The following WASF1 variants were observed in gnomAD, a reference collection of about 807,000 sequenced individuals.
WASF1 encodes WASP family member 1.
WASF1 carries 7 observed loss-of-function variants against 50.5 expected under a neutral mutation model. That is an observed-to-expected ratio of 0.14 (90% CI 0.08 to 0.26). The LOEUF (loss-of-function observed/expected upper bound fraction) is 0.26. Ranked by LOEUF, WASF1 falls within the 10% of genes least tolerant of loss-of-function variation. The pLI is 1.00. For synonymous variants in WASF1, 205 were observed against 244.0 expected, an observed-to-expected ratio of 0.84 and a Z score of 1.49; for missense variants, 470 against 694.7, an observed-to-expected ratio of 0.68 and a Z score of 3.64.
At chr6:110,133,600 G>A (rs894367135) in intron 3 of WASF1, among the ~76,000 whole-genome samples, 3 of 152,062 alleles carry the variant, frequency 2.0e-5, no homozygotes, top group Non-Finnish European at 4.4e-5. Flanking sequence ...GAGCAAGGTG[G>A]TATTGTGGTT....
intron 3 of WASF1, among the ~76,000 whole-genome samples, chr6:110,130,797 G>A (rs771193219): frequency 6.6e-6 from 1 of 152,196 alleles, no homozygotes; most frequent in Non-Finnish European, 1.5e-5. Context: ...TCCAGAGACT[G>A]TACCAACACT....
intron 3 of WASF1, among the ~76,000 whole-genome samples, chr6:110,142,562 C>T (rs1775295056): frequency 6.6e-6 from 1 of 152,036 alleles, no homozygotes; most frequent in South Asian, 2.1e-4. Flanking sequence ...GCCTGATTCC[C>T]ATTTTAGAGC....
chr6:110,150,846 G>T (rs977641294), intron 3 of WASF1, among the ~76,000 whole-genome samples: 2 of 151,986 alleles, frequency 1.3e-5, no homozygotes, highest in Non-Finnish European at 2.9e-5. Context: ...GACCAGCCTG[G>T]CTAACATGGT....
At chr6:110,141,614 T>C (rs1248530419) in intron 3 of WASF1, among the ~76,000 whole-genome samples, 1 of 152,132 alleles carries the variant, frequency 6.6e-6, no homozygotes, top group Admixed American at 6.6e-5. Flanking sequence ...AAATCTTGCC[T>C]TACTCGCCTT....
intron 3 of WASF1, among the ~76,000 whole-genome samples, chr6:110,153,187 A>G (rs1429563556): frequency 2.0e-5 from 3 of 152,188 alleles, no homozygotes; most frequent in Non-Finnish European, 4.4e-5. Context: ...TTAGCAGTGG[A>G]ACGGTTGGGT....
At chr6:110,132,163 ATT>A (rs1296907919) in intron 3 of WASF1, among the ~76,000 whole-genome samples, 3 of 152,058 alleles carry the variant, frequency 2.0e-5, no homozygotes, top group Non-Finnish European at 4.4e-5. Flanking sequence ...CACAATATAT[ATT>A]GTTGTATATA....
At chr6:110,106,793 G>A (rs1310551145) in intron 7 of WASF1, among the ~76,000 whole-genome samples, 1 of 152,116 alleles carries the variant, frequency 6.6e-6, no homozygotes, top group African/African-American at 2.4e-5. Context: ...TTGTGGGAAG[G>A]GTTTACCCTG....
Position 110,179,632 on chromosome 6 carries a change from A to G in WASF1, c.-465T>C, listed in dbSNP as rs1268262376. ...GGGGCGCCAACCCGCCGCCGGACCC[A>G]CCGTGTGCTCGACGCGCGAGTGAAC... On this transcript the variant is annotated 5_prime_UTR_variant, in exon 1 of 11. Transcript: ENST00000392589. The G allele has an allele frequency of 6.6e-6, 1 of 151,746 alleles. No individual in the cohort carries two copies. The allele number at this position is 151,746 out of a possible 1,614,324, so 9.4% of individuals were successfully genotyped here.
chr6:110,150,993 C>T (rs553857806), intron 3 of WASF1, among the ~76,000 whole-genome samples: 1 of 152,272 alleles, frequency 6.6e-6, no homozygotes, highest in East Asian at 1.9e-4. Context: ...ACTGAGATCA[C>T]GCCATTGCAT....
At chr6:110,145,381 G>C (rs1775506334) in intron 3 of WASF1, among the ~76,000 whole-genome samples, 1 of 152,108 alleles carries the variant, frequency 6.6e-6, no homozygotes, top group East Asian at 1.9e-4. Context: ...GGGTTTTCTA[G>C]ATATACAATC....
intron 2 of WASF1, among the ~76,000 whole-genome samples, chr6:110,161,965 A>C (rs1420171627): frequency 6.6e-6 from 1 of 151,558 alleles, no homozygotes; most frequent in African/African-American, 2.4e-5. Context: ...TGTTATCACC[A>C]AATGAGTTTA....
chr6:110,144,846 G>T (rs1775464769), intron 3 of WASF1, among the ~76,000 whole-genome samples: 1 of 152,192 alleles, frequency 6.6e-6, no homozygotes, highest in Non-Finnish European at 1.5e-5. Flanking sequence ...GTACCATGCT[G>T]TTTTGGTTAC....
At chr6:110,133,818 TG>T (rs1414780908) in intron 3 of WASF1, among the ~76,000 whole-genome samples, 1 of 152,142 alleles carries the variant, frequency 6.6e-6, no homozygotes, top group Non-Finnish European at 1.5e-5. Context: ...TCCTATTCTG[TG>T]GGTTGTCTGT....
intron 4 of WASF1, among the ~76,000 whole-genome samples, chr6:110,122,239 C>CA (rs55836821): frequency 0.17 from 19,027 of 114,012 alleles, 1,611 homozygotes; most frequent in African/African-American, 0.29. Flanking sequence ...AAATGGAATC[C>CA]AAAAAAAAAA....
At chr6:110,104,789 A>AAAAC (rs916052976) in intron 8 of WASF1, among the ~76,000 whole-genome samples, 5 of 152,204 alleles carry the variant, frequency 3.3e-5, no homozygotes, top group South Asian at 4.1e-4. Flanking sequence ...ATTCTGTCTC[A>AAAAC]AAACAAACAA....
intron 3 of WASF1, among the ~76,000 whole-genome samples, chr6:110,150,203 A>G (rs1169441344): frequency 6.6e-6 from 1 of 152,228 alleles, no homozygotes; most frequent in East Asian, 1.9e-4. Context: ...AGTGAAAGGA[A>G]TAGAAAAGAA....
chr6:110,176,242 G>A (rs191565676), intron 2 of WASF1, among the ~76,000 whole-genome samples: 7 of 151,976 alleles, frequency 4.6e-5, no homozygotes, highest in Non-Finnish European at 8.8e-5. Flanking sequence ...ATTCAGCATA[G>A]GATTTAATTT....
chr6:110,124,176 C>T (rs184385811), intron 4 of WASF1, among the ~76,000 whole-genome samples: 137 of 145,216 alleles, frequency 9.4e-4, no homozygotes, highest in African/African-American at 3.4e-3. Context: ...AAATAGGGAA[C>T]CCAGCCCCAT....
intron 2 of WASF1, among the ~76,000 whole-genome samples, chr6:110,178,205 GA>G (rs1339944294): frequency 6.6e-6 from 1 of 151,958 alleles, no homozygotes; most frequent in Non-Finnish European, 1.5e-5. Flanking sequence ...TTCTGCTACC[GA>G]AAAACAAATA....
Sources: gnomAD v4.1 joint callset for allele counts (sites outside exome capture counted in the v4.1 genomes callset) on GRCh38, gnomAD v4.1.1 for gene constraint, MANE v1.5 for transcripts, NCBI Gene and HGNC (gene_info 2026-07-23, HGNC 2026-07-21) for gene names.